RBPJ: variants seen among roughly 807,000 people sequenced by gnomAD.
RBPJ encodes recombination signal binding protein for immunoglobulin kappa J region, also known as recombining binding protein suppressor of hairless.
Under a neutral mutation model 67.8 loss-of-function variants are expected in RBPJ, and 9 were observed. The observed-to-expected ratio is 0.13, with a 90% CI of 0.08 to 0.23. The LOEUF is 0.23. Among genes scored for constraint, RBPJ ranks in the 10% least tolerant of loss-of-function variants. The pLI is 1.00. For synonymous variants in RBPJ, 198 were observed against 203.3 expected (o/e 0.97, Z 0.22); for missense variants, 305 against 595.6 (o/e 0.51, Z 5.08).
chr4:26,317,114 A>G (rs1577420871), upstream of RBPJ, among the ~76,000 whole-genome samples: 2 of 151,778 alleles, frequency 1.3e-5, no homozygotes, highest in East Asian at 1.9e-4. Flanking sequence ...TTACATTATA[A>G]TGGAAGGAGG....
chr4:26,247,741 G>C (rs1424069023), intron 1 of RBPJ, among the ~76,000 whole-genome samples: 2 of 152,068 alleles, frequency 1.3e-5, no homozygotes, highest in East Asian at 1.9e-4. Flanking sequence ...AATTTACTTT[G>C]TAATTTCTAT....
chr4:26,358,884 T>C (rs912535204), intron 1 of RBPJ, among the ~76,000 whole-genome samples: 1 of 152,228 alleles, frequency 6.6e-6, no homozygotes, highest in East Asian at 1.9e-4. Context: ...GTTCCAGATA[T>C]TGTTCTAAGT....
intron 1 of RBPJ, among the ~76,000 whole-genome samples, chr4:26,283,906 A>G (rs980845718): frequency 6.6e-6 from 1 of 152,118 alleles, no homozygotes; most frequent in Non-Finnish European, 1.5e-5. Flanking sequence ...AGCCTCCCAA[A>G]GTGCTGGGAT....
At chr4:26,134,341 G>A in the RBPJ span, among the ~76,000 whole-genome samples, 4 of 152,118 alleles carry the variant, frequency 2.6e-5, no homozygotes, top group Non-Finnish European at 4.4e-5. Context: ...TAATTTGCAG[G>A]AAGCTCTTGT....
Position 26,424,775 on chromosome 4 carries a change from T to C in RBPJ, c.747+32T>C. ...CTCTACTTTTGCTTTAGTGATAATG[T>C]GAAGTAAAAATTAATTTCTTAAACA... On this transcript the variant is annotated intron_variant, in intron 7 of 10. Coordinates refer to ENST00000355476, the MANE Select transcript of RBPJ (RefSeq NM_015874.6). This position sits in a 1 kb window ranked among gnomAD's most constrained non-coding sequence, Gnocchi z 5.3. 1 of 1,270,036 alleles carries C rather than the reference T, an allele frequency of 7.9e-7. No homozygotes were observed. The highest frequency in any genetic ancestry group is 1.1e-6 in the Non-Finnish European group (1 of 884,068). 78.7% of individuals were successfully genotyped at this position (1,270,036 alleles called of 1,614,324 possible). A position where few individuals can be genotyped will look rare whatever the true frequency, so the allele number is the denominator to read the frequency against.
chr4:26,178,978 C>A (rs1716890736), intron 1 of RBPJ, among the ~76,000 whole-genome samples: 1 of 152,094 alleles, frequency 6.6e-6, no homozygotes, highest in African/African-American at 2.4e-5. Flanking sequence ...GCCTCACGTG[C>A]GGCCTGCAGG....
chr4:26,313,484 A>G (rs944885321), intron 1 of RBPJ, among the ~76,000 whole-genome samples: 7 of 151,948 alleles, frequency 4.6e-5, no homozygotes, highest in African/African-American at 1.7e-4. Flanking sequence ...TGGTTAACAC[A>G]GTGAAACCCC....
intron 2 of RBPJ, among the ~76,000 whole-genome samples, chr4:26,395,440 ATC>A (rs1732023325): frequency 1.3e-5 from 2 of 152,236 alleles, no homozygotes; most frequent in Admixed American, 1.3e-4. Flanking sequence ...CAAAGTGAGA[ATC>A]TGCTTCAAAA....
At chr4:26,309,601 G>C (rs922782603) in intron 1 of RBPJ, among the ~76,000 whole-genome samples, 1 of 152,172 alleles carries the variant, frequency 6.6e-6, no homozygotes, top group African/African-American at 2.4e-5. Context: ...TAGTGGTGAA[G>C]CTAGTTCAGT....
At chr4:26,331,010 C>T (rs1054299982) in intron 1 of RBPJ, among the ~76,000 whole-genome samples, 12 of 152,100 alleles carry the variant, frequency 7.9e-5, no homozygotes, top group Admixed American at 2.6e-4. Context: ...TCTAAAAGTA[C>T]CCATTCATTT....
At chr4:26,236,278 A>G (rs1719447886) in intron 1 of RBPJ, among the ~76,000 whole-genome samples, 1 of 152,174 alleles carries the variant, frequency 6.6e-6, no homozygotes, top group African/African-American at 2.4e-5. Flanking sequence ...CGATGTCCTC[A>G]TCTGAAAAAT....
chr4:26,287,371 C>T (rs977119822), intron 1 of RBPJ, among the ~76,000 whole-genome samples: 1 of 151,548 alleles, frequency 6.6e-6, no homozygotes, highest in Non-Finnish European at 1.5e-5. Flanking sequence ...GAGACCCCAT[C>T]TCTAGCAAAA....
chr4:26,431,111 T>C lies in RBPJ; in HGVS notation c.*104T>C. ...GTTTGTGGTTTCTTGGGAAAACTTT[T>C]CATACCAGGTGATACTATTCAAAAA... is the stretch of plus-strand genomic sequence containing the variant. On this transcript the variant is annotated 3_prime_UTR_variant, in exon 11 of 11. Transcript: ENST00000355476. 1.0e-6 allele frequency: 1 copy of C among 998,356 alleles called. No homozygotes were observed. The highest frequency in any genetic ancestry group is 1.5e-6 in the Non-Finnish European group (1 of 681,546). The allele number at this position is 998,356 out of a possible 1,614,324, so 61.8% of individuals were successfully genotyped here. A position where few individuals can be genotyped will look rare whatever the true frequency, so the allele number is the denominator to read the frequency against.
chr4:26,349,483 A>C (rs1196744760), intron 1 of RBPJ, among the ~76,000 whole-genome samples: 1 of 152,204 alleles, frequency 6.6e-6, no homozygotes, highest in East Asian at 1.9e-4. Flanking sequence ...CATTCAAAGG[A>C]CTGGGTCCAA....
chr4:26,389,902 C>A (rs1731328782), intron 2 of RBPJ, among the ~76,000 whole-genome samples: 1 of 152,222 alleles, frequency 6.6e-6, no homozygotes, highest in Middle Eastern at 3.4e-3. Flanking sequence ...CATACTCTTT[C>A]AGAAAATTGG....
chr4:26,274,145 T>C (rs1721006644), intron 1 of RBPJ, among the ~76,000 whole-genome samples: 1 of 152,194 alleles, frequency 6.6e-6, no homozygotes, highest in African/African-American at 2.4e-5. Context: ...TATATTTTAC[T>C]GCTTCATTTG....
At chr4:26,381,523 T>C (rs1026499395) in intron 1 of RBPJ, among the ~76,000 whole-genome samples, 3 of 152,196 alleles carry the variant, frequency 2.0e-5, no homozygotes, top group Non-Finnish European at 4.4e-5. Flanking sequence ...GAATATAAAA[T>C]CATTGTTTTC....
chr4:26,149,287 C>G, the RBPJ span, among the ~76,000 whole-genome samples: 2 of 152,222 alleles, frequency 1.3e-5, no homozygotes, highest in African/African-American at 4.8e-5. Flanking sequence ...CTGAACCTCT[C>G]TGAGCCTCTC....
At chr4:26,209,535 T>G (rs949605094) in intron 1 of RBPJ, among the ~76,000 whole-genome samples, 34 of 149,072 alleles carry the variant, frequency 2.3e-4, no homozygotes, top group African/African-American at 7.9e-4. Flanking sequence ...TGACATCCTA[T>G]CTCCTTCCTT....
Sources: gnomAD v4.1 joint callset for allele counts (sites outside exome capture counted in the v4.1 genomes callset) on GRCh38, gnomAD v4.1.1 for gene constraint, Gnocchi (gnomAD v3.1) non-coding constraint, MANE v1.5 for transcripts, NCBI Gene and HGNC (gene_info 2026-07-23, HGNC 2026-07-21) for gene names.